Variants in JMJD1C observed in about 807,000 individuals in gnomAD.
JMJD1C encodes jumonji domain-containing protein 1C.
In JMJD1C, 31 loss-of-function variants were observed where a neutral mutation model predicts 245.3. The observed-to-expected ratio is 0.13, with a 90% confidence interval of 0.09 to 0.17. The LOEUF (loss-of-function observed/expected upper bound fraction) is 0.17, where lower values mean the gene tolerates loss of function less well. Among genes scored for constraint, JMJD1C ranks in the 10% least tolerant of loss-of-function variants. The pLI is 1.00. For missense variants in JMJD1C, 2,691 were observed against 3,000.2 expected, an observed-to-expected ratio of 0.90 and a Z score of 2.41; for synonymous variants, 1,057 against 1,017.4, an observed-to-expected ratio of 1.04 and a Z score of -0.74.
chr10:63,471,961 G>A (rs1219982924), intron 1 of JMJD1C, among the ~76,000 whole-genome samples: 2 of 152,058 alleles, frequency 1.3e-5, no homozygotes, highest in African/African-American at 2.4e-5. Flanking sequence ...TCACTTGAAC[G>A]CGGGAAGCAA....
intron 1 of JMJD1C, among the ~76,000 whole-genome samples, chr10:63,512,357 T>G (rs1354962154): frequency 6.6e-6 from 1 of 152,170 alleles, no homozygotes; most frequent in African/African-American, 2.4e-5. Context: ...GCTTTAAGTC[T>G]TTTATACATA....
At chr10:63,354,274 A>T (rs1486404332) in intron 2 of JMJD1C, among the ~76,000 whole-genome samples, 1 of 152,208 alleles carries the variant, frequency 6.6e-6, no homozygotes, top group Admixed American at 6.5e-5. Context: ...CTCTCTTATC[A>T]CTAAGAGAAG....
chr10:63,245,694 G>T (rs1250452867), intron 3 of JMJD1C, among the ~76,000 whole-genome samples: 1 of 152,050 alleles, frequency 6.6e-6, no homozygotes, highest in Non-Finnish European at 1.5e-5. Context: ...TGTTGGCCAG[G>T]CTGGTCTCGA....
chr10:63,193,521 T>C (rs778554678), intron 14 of JMJD1C, 49 bp from the exon 15 acceptor site: 1 of 1,381,306 alleles, frequency 7.2e-7, no homozygotes, highest in Non-Finnish European at 9.8e-7. Flanking sequence ...TAGTTGTTAA[T>C]GCTGTAAAAT....
chr10:63,458,603 T>C (rs982950806), intron 1 of JMJD1C, among the ~76,000 whole-genome samples: 7 of 152,120 alleles, frequency 4.6e-5, no homozygotes, highest in Non-Finnish European at 5.9e-5. Flanking sequence ...TGCCATTAAA[T>C]CTACACCACC....
chr10:63,425,455 A>G (rs1428486678), intron 1 of JMJD1C, among the ~76,000 whole-genome samples: 1 of 147,122 alleles, frequency 6.8e-6, no homozygotes, highest in Non-Finnish European at 1.5e-5. Context: ...ACCATGTCCA[A>G]ACTGCATATC....
chr10:63,358,546 T>A (rs1368240056), intron 2 of JMJD1C, among the ~76,000 whole-genome samples: 1 of 152,038 alleles, frequency 6.6e-6, no homozygotes, highest in African/African-American at 2.4e-5. Flanking sequence ...ATATCATATA[T>A]TAGGGTTAGA....
chr10:63,326,304 G>A (rs1037345870), intron 2 of JMJD1C, among the ~76,000 whole-genome samples: 3 of 151,518 alleles, frequency 2.0e-5, no homozygotes, highest in African/African-American at 4.9e-5. Flanking sequence ...AGACCAGCCC[G>A]ACCAACATGG....
intron 1 of JMJD1C, among the ~76,000 whole-genome samples, chr10:63,390,732 T>C (rs570384555): frequency 4.3e-4 from 65 of 152,254 alleles, no homozygotes; most frequent in Non-Finnish European, 8.1e-4. Flanking sequence ...GTTCAACATA[T>C]GTAAATCGAC....
intron 3 of JMJD1C, among the ~76,000 whole-genome samples, chr10:63,257,198 G>C (rs1854068367): frequency 3.7e-5 from 5 of 136,150 alleles, no homozygotes; most frequent in Admixed American, 8.0e-5. Context: ...GATCACTCCA[G>C]CCTGGGTGAC....
At chr10:63,364,034 A>G (rs964704797) in intron 2 of JMJD1C, among the ~76,000 whole-genome samples, 16 of 148,176 alleles carry the variant, frequency 1.1e-4, no homozygotes, top group African/African-American at 4.1e-4. Flanking sequence ...TTTTGTATAT[A>G]TTTTTTTTTA....
intron 1 of JMJD1C, among the ~76,000 whole-genome samples, chr10:63,404,740 G>A (rs1240780311): frequency 6.6e-6 from 1 of 152,070 alleles, no homozygotes; most frequent in Non-Finnish European, 1.5e-5. Flanking sequence ...ATAAAGCCAA[G>A]GGTGACAACA....
chr10:63,453,572 T>C (rs1347859710), intron 1 of JMJD1C, among the ~76,000 whole-genome samples: 5 of 152,162 alleles, frequency 3.3e-5, no homozygotes, highest in Non-Finnish European at 5.9e-5. Flanking sequence ...AATTTCAAAT[T>C]AGAAAGAATT....
intron 1 of JMJD1C, among the ~76,000 whole-genome samples, chr10:63,385,683 C>T (rs1016348121): frequency 3.9e-5 from 6 of 151,990 alleles, no homozygotes; most frequent in East Asian, 1.9e-4. Context: ...TGGCCTCAAG[C>T]AATCCTCTCA....
chr10:63,191,727 G>A (rs1329062962), intron 16 of JMJD1C, among the ~76,000 whole-genome samples: 1 of 152,056 alleles, frequency 6.6e-6, no homozygotes, highest in Non-Finnish European at 1.5e-5. Context: ...GCTCATACCT[G>A]TAATCCCAGC....
chr10:63,234,507 A>AAAAAAAAAAAAAAAAAAAAAAAAAAAAC (rs1850447456), intron 3 of JMJD1C, among the ~76,000 whole-genome samples: 1 of 149,240 alleles, frequency 6.7e-6, no homozygotes, highest in African/African-American at 2.5e-5. Context: ...AAAAAAAAAA[A>AAAAAAAAAAAAAAAAAAAAAAAAAAAAC]AAAAAAAAAA....
intron 2 of JMJD1C, among the ~76,000 whole-genome samples, chr10:63,354,339 TATTC>T (rs1944620426): frequency 1.3e-5 from 2 of 152,240 alleles, no homozygotes; most frequent in Non-Finnish European, 2.9e-5. Flanking sequence ...AACCTAAAAT[TATTC>T]ATTTTTATTG....
intron 1 of JMJD1C, among the ~76,000 whole-genome samples, chr10:63,509,130 A>G (rs1313972536): frequency 6.6e-6 from 1 of 152,180 alleles, no homozygotes; most frequent in Non-Finnish European, 1.5e-5. Context: ...AAGTCTTCAT[A>G]ATGAATTAGT....
At chr10:63,359,135 T>C (rs1181994748) in intron 2 of JMJD1C, 1 of 152,844 alleles carries the variant, frequency 6.5e-6, no homozygotes, top group Non-Finnish European at 1.5e-5. Flanking sequence ...ATAATCCTAG[T>C]AATGTTAATT....
Sources: allele counts gnomAD v4.1 joint callset (sites outside exome capture counted in the v4.1 genomes callset), GRCh38; gene constraint gnomAD v4.1.1; transcripts MANE v1.5; gene names NCBI Gene and HGNC (gene_info 2026-07-23, HGNC 2026-07-21).